The following UFSP2 variants were observed in gnomAD, a reference collection of about 807,000 sequenced individuals.
UFSP2 encodes the protein ufm1-specific protease 2.
UFSP2 carries 43 observed loss-of-function variants against 60.2 expected under a neutral mutation model. The ratio of observed to expected loss-of-function variants is 0.71; its 90% CI spans 0.56 to 0.92. The LOEUF (loss-of-function observed/expected upper bound fraction) is 0.92. Among genes scored for constraint, UFSP2 ranks in the 40% least tolerant of loss-of-function variants. UFSP2 has a pLI of 0.00. For synonymous variants in UFSP2, 183 were observed against 195.1 expected, an observed-to-expected ratio of 0.94 and a Z score of 0.52; for missense variants, 520 against 575.0, an observed-to-expected ratio of 0.90 and a Z score of 0.98.
intron 6 of UFSP2, among the ~76,000 whole-genome samples, chr4:185,414,739 AC>A (rs2095535356): frequency 1.3e-5 from 2 of 152,344 alleles, no homozygotes; most frequent in East Asian, 3.9e-4. Flanking sequence ...GTGGAGTATT[AC>A]CATAAATCCT....
intron 2 of UFSP2, 37 bp from the exon 3 acceptor site, chr4:185,418,807 C>T (rs1561120152): frequency 1.3e-6 from 2 of 1,497,050 alleles, no homozygotes; most frequent in Non-Finnish European, 8.9e-7. Flanking sequence ...TTAAGAAAAA[C>T]AAATTTTTCA....
chr4:185,408,179 T>C (rs1285230676), intron 8 of UFSP2, 92 bp downstream of exon 8: 1 of 1,542,674 alleles, frequency 6.5e-7, no homozygotes, highest in Non-Finnish European at 8.9e-7. Flanking sequence ...CAGAAATAAG[T>C]CTGCACCATG....
rs1430139336 is a variant in UFSP2, at chr4:185,400,097, T to C, written c.*295A>G. ...TAAGCTCCTGCTTTTGGCTTTACCA[T>C]ATGTTGTGTCTAATCTCCTTCTGAG... On this transcript the variant is annotated 3_prime_UTR_variant, in exon 12 of 12. Coordinates refer to ENST00000264689, the MANE Select transcript of UFSP2 (RefSeq NM_018359.5). The C allele has an allele frequency of 3.0e-6, 4 of 1,331,066 alleles. No individual in the cohort carries two copies. The highest frequency in any genetic ancestry group is 3.2e-6 in the Non-Finnish European group (3 of 949,890). 82.5% of individuals were successfully genotyped at this position (1,331,066 alleles called of 1,614,324 possible). A position where few individuals can be genotyped will look rare whatever the true frequency, so the allele number is the denominator to read the frequency against.
chr4:185,422,111 TGTA>T (rs1201025159), intron 2 of UFSP2, among the ~76,000 whole-genome samples: 2 of 152,324 alleles, frequency 1.3e-5, no homozygotes, highest in East Asian at 1.9e-4. Flanking sequence ...CCCCATATAA[TGTA>T]GTATTTAAGA....
In UFSP2 at chr4:185,408,209, T is replaced by C. The variant is rs532525083; in HGVS notation, c.996+62A>G. The C allele has an allele frequency of 8.3e-5, 130 of 1,569,784 alleles. 2 individuals are homozygous for C. The South Asian group carries it at 1.4e-3, about 17-fold the overall frequency. On this transcript the variant is annotated intron_variant, in intron 8 of 11. Transcript: ENST00000264689. ...ACCATGAGGTAACAAAAATTATCAA[T>C]GGTATATTAAGGGCTAATGAAACAT...
intron 11 of UFSP2, 109 bp downstream of exon 11, chr4:185,403,383 CAG>C (rs1196936936): frequency 1.4e-6 from 2 of 1,394,058 alleles, no homozygotes; most frequent in East Asian, 2.4e-5. Flanking sequence ...GGCCTCCACA[CAG>C]GGAGATCTCT....
In UFSP2 at chr4:185,418,785, T is replaced by C. The variant is rs770560758; in HGVS notation, c.83-15A>G. On this transcript the variant is annotated splice_polypyrimidine_tract_variant and intron_variant, in intron 2 of 11. Transcript: ENST00000264689. The stretch of plus-strand genomic sequence containing the variant: ...GAGAAAAATTTCTAAATTAAAAGAA[T>C]ATAAATAGAAGTTAAGAAAAACAAA... 2.5e-6 allele frequency: 4 copies of C among 1,570,844 alleles called. No homozygotes were observed. The highest frequency in any genetic ancestry group is 1.2e-5 in the South Asian group (1 of 83,156).
At chr4:185,421,375 C>T (rs1041849856) in intron 2 of UFSP2, among the ~76,000 whole-genome samples, 1 of 152,130 alleles carries the variant, frequency 6.6e-6, no homozygotes, top group Non-Finnish European at 1.5e-5. Context: ...ATGTGATCTC[C>T]AATGTTTGAA....
rs954586020 is a variant in UFSP2, at chr4:185,403,706, C to T, written c.1199-88G>A. On this transcript the variant is annotated intron_variant, in intron 10 of 11. Coordinates refer to ENST00000264689, the MANE Select transcript of UFSP2 (RefSeq NM_018359.5). ...TTTAAATAGACAGATTACGGCCGGG[C>T]GTGGTGGCTCACACCTGTAATCCCA... 160 of 1,496,176 alleles carry T rather than the reference C, an allele frequency of 1.1e-4. 1 individual carries two copies. Among genetic ancestry groups the T allele is most frequent in the Admixed American group, 2.7e-4 (13 of 47,628 alleles). 92.7% of individuals were successfully genotyped at this position (1,496,176 alleles called of 1,614,324 possible).
chr4:185,403,621 A>G lies in UFSP2; in HGVS notation c.1199-3T>C, dbSNP rs750581319. The G allele has an allele frequency of 1.4e-5, 23 of 1,598,974 alleles. No homozygotes were observed. Among genetic ancestry groups the G allele is most frequent in the East Asian group, 4.5e-5 (2 of 44,812 alleles). On this transcript the variant is annotated splice_polypyrimidine_tract_variant and splice_region_variant and intron_variant, in intron 10 of 11. Coordinates refer to ENST00000264689, the MANE Select transcript of UFSP2 (RefSeq NM_018359.5). ...TGTGTGGGCCAAAACTCCTCCCCCTATAGAAGAAAAAATAGGAAATACGAA... is the reference window on the plus strand; with the variant it reads ...TGTGTGGGCCAAAACTCCTCCCCCTGTAGAAGAAAAAATAGGAAATACGAA...
Position 185,400,294 on chromosome 4 carries a change from G to T in UFSP2, c.*98C>A. The T allele has an allele frequency of 9.7e-7, 1 of 1,030,252 alleles. No individual in the cohort carries two copies. Among genetic ancestry groups the T allele is most frequent in the Non-Finnish European group, 1.4e-6 (1 of 696,354 alleles). The allele number at this position is 1,030,252 out of a possible 1,614,324, so 63.8% of individuals were successfully genotyped here. On this transcript the variant is annotated 3_prime_UTR_variant, in exon 12 of 12. Coordinates refer to ENST00000264689, the MANE Select transcript of UFSP2 (RefSeq NM_018359.5). ...TTTGAAAAAGGTCATAATTTAAATC[G>T]TCAAACTAGAACCAGGATTTAATGT...
At chr4:185,410,390 C>T (rs989126969) in intron 7 of UFSP2, among the ~76,000 whole-genome samples, 4 of 152,210 alleles carry the variant, frequency 2.6e-5, no homozygotes, top group Admixed American at 2.6e-4. Flanking sequence ...TGGCTCATGC[C>T]TGTAATCCCA....
chr4:185,420,846 T>C (rs12642082), intron 2 of UFSP2, among the ~76,000 whole-genome samples: 12,927 of 152,250 alleles, frequency 0.085, 967 homozygotes, highest in African/African-American at 0.19. Flanking sequence ...AGAAGACAAG[T>C]TCAAATATAT....
intron 11 of UFSP2, among the ~76,000 whole-genome samples, chr4:185,402,504 T>G (rs1399630099): frequency 6.6e-6 from 1 of 152,186 alleles, no homozygotes; most frequent in African/African-American, 2.4e-5. Context: ...AGCTGGAATT[T>G]CACTCCTGTT....
chr4:185,401,539 T>G (rs537862755), intron 11 of UFSP2, among the ~76,000 whole-genome samples: 57 of 152,274 alleles, frequency 3.7e-4, no homozygotes, highest in Admixed American at 5.9e-4. Flanking sequence ...AGGACATGCT[T>G]CTTTCCTGTG....
intron 11 of UFSP2, 26 bp downstream of exon 11, chr4:185,403,468 T>C (rs1430177865): frequency 1.2e-6 from 2 of 1,604,514 alleles, no homozygotes; most frequent in Non-Finnish European, 1.7e-6. Flanking sequence ...GCCTTTTGTC[T>C]CAATTTGTGT....
intron 7 of UFSP2, among the ~76,000 whole-genome samples, chr4:185,408,644 C>T (rs749360737): frequency 6.6e-6 from 1 of 152,170 alleles, no homozygotes; most frequent in Non-Finnish European, 1.5e-5. Context: ...CCCAGCAGGA[C>T]CTACCTTCTG....
chr4:185,408,323 T>A lies in UFSP2; in HGVS notation c.944A>T (p.Lys315Ile), dbSNP rs774916155. The A allele has an allele frequency of 2.5e-6, 4 of 1,614,082 alleles. No homozygotes were observed. In the African/African-American group the frequency reaches 4.0e-5, roughly 16 times the overall value. ...RSLQTICSWF[K>I]HQGYTERSIP... ...GGACCTCTCTGTGTATCCCTGATGT[T>A]TGAACCAAGAGCAGATAGTCTGCAG... The change falls in exon 8 of 12, where the codon AAA becomes ATA. Residue 315 changes from lysine to isoleucine, a missense_variant. Coordinates refer to ENST00000264689, the MANE Select transcript of UFSP2 (RefSeq NM_018359.5).
At chr4:185,423,088 G>C (rs1292946382) in intron 1 of UFSP2, among the ~76,000 whole-genome samples, 1 of 152,142 alleles carries the variant, frequency 6.6e-6, no homozygotes, top group Non-Finnish European at 1.5e-5. Flanking sequence ...TGAACTCCTG[G>C]CCTCAAGTGA....
Sources: allele counts gnomAD v4.1 joint callset (sites outside exome capture counted in the v4.1 genomes callset), GRCh38; gene constraint gnomAD v4.1.1; transcripts MANE v1.5; gene names NCBI Gene and HGNC (gene_info 2026-07-23, HGNC 2026-07-21).